Variants in PIAS1 observed in about 807,000 individuals in gnomAD.
The protein encoded by PIAS1 is E3 SUMO-protein ligase PIAS1.
A neutral mutation model predicts 71.3 loss-of-function variants in PIAS1; 6 were observed. The ratio of observed to expected loss-of-function variants is 0.08; its 90% CI spans 0.05 to 0.17. The LOEUF (loss-of-function observed/expected upper bound fraction) is 0.17. Ranked by LOEUF, PIAS1 falls within the 10% of genes least tolerant of loss-of-function variation. PIAS1 has a pLI of 1.00. For missense variants in PIAS1, 555 were observed against 793.6 expected (o/e 0.70, Z 3.61); for synonymous variants, 303 against 292.9 (o/e 1.03, Z -0.35).
chr15:68,146,704 A>G lies in PIAS1; in HGVS notation c.828+4A>G. On this transcript the variant is annotated splice_donor_region_variant and intron_variant, in intron 6 of 13. Coordinates refer to ENST00000249636, the MANE Select transcript of PIAS1 (RefSeq NM_016166.3). Reference sequence around the variant, plus strand: ...TTGGACTGCAGAAATTGGAAGAGTAAGTAAATTTTTGTTTCTACCAGATTT... The same window carrying G: ...TTGGACTGCAGAAATTGGAAGAGTAGGTAAATTTTTGTTTCTACCAGATTT... The G allele has an allele frequency of 6.2e-7, 1 of 1,603,240 alleles. No individual in the cohort carries two copies.
chr15:68,094,660 A>G (rs1016232783), intron 2 of PIAS1, among the ~76,000 whole-genome samples: 1 of 152,196 alleles, frequency 6.6e-6, no homozygotes, highest in Non-Finnish European at 1.5e-5. Context: ...AAATTCAAGG[A>G]CGCAGGCTCT....
At chr15:68,144,982 A>C (rs954496440) in intron 4 of PIAS1, among the ~76,000 whole-genome samples, 1 of 152,110 alleles carries the variant, frequency 6.6e-6, no homozygotes, top group Non-Finnish European at 1.5e-5. Context: ...GGTTCTCCCT[A>C]CTATGTAACT....
At chr15:68,096,801 A>AT (rs1331111145) in intron 2 of PIAS1, among the ~76,000 whole-genome samples, 1 of 151,694 alleles carries the variant, frequency 6.6e-6, no homozygotes, top group Non-Finnish European at 1.5e-5. Flanking sequence ...TAGTTCTAAT[A>AT]TTTTTTTTCT....
At chr15:68,145,696 TTA>T (rs1256608674) in intron 4 of PIAS1, 118 bp from the exon 5 acceptor site, 8 of 626,288 alleles carry the variant, frequency 1.3e-5, no homozygotes, top group Non-Finnish European at 2.3e-5. Flanking sequence ...AGTCCAGTTT[TTA>T]TAGTTTTCCC....
chr15:68,180,648 A>G (rs912379953), intron 11 of PIAS1, among the ~76,000 whole-genome samples: 4 of 152,304 alleles, frequency 2.6e-5, no homozygotes, highest in Non-Finnish European at 4.4e-5. Context: ...TATGCAAACA[A>G]TGTGCTGATA....
Position 68,190,128 on chromosome 15 carries a change from C to A in PIAS1, c.*2293C>A, listed in dbSNP as rs552234919. 2 of 152,262 alleles carry A rather than the reference C, an allele frequency of 1.3e-5. No individual in the cohort carries two copies. The highest frequency in any genetic ancestry group is 3.9e-4 in the East Asian group (2 of 5,186). 9.4% of individuals were successfully genotyped at this position (152,262 alleles called of 1,614,324 possible). ...AGTTGAAAACGTATCCCTCTACTTT[C>A]TTCAGTTGTAGAAAAGGTTAATTTC... On this transcript the variant is annotated 3_prime_UTR_variant, in exon 14 of 14. Transcript: ENST00000249636. This position sits in a 1 kb window ranked among gnomAD's most constrained non-coding sequence, Gnocchi z 4.7.
intron 6 of PIAS1, among the ~76,000 whole-genome samples, chr15:68,148,763 G>A (rs1447882100): frequency 1.3e-5 from 2 of 152,220 alleles, no homozygotes; most frequent in African/African-American, 4.8e-5. Flanking sequence ...TTATAGTGCT[G>A]TATTTCTTTT....
intron 1 of PIAS1, chr15:68,055,111 T>G: frequency 3.6e-5 from 21 of 583,126 alleles, no homozygotes; most frequent in East Asian, 1.4e-4. Context: ...TTGGAAGCAG[T>G]GTTGGGAGGG....
chr15:68,072,125 G>T (rs1193190895), intron 1 of PIAS1, among the ~76,000 whole-genome samples: 1 of 150,768 alleles, frequency 6.6e-6, no homozygotes, highest in Non-Finnish European at 1.5e-5. Flanking sequence ...TTGGCCGGGC[G>T]CAGTGGTTCA....
chr15:68,151,849 GACTC>G (rs2092848051), intron 6 of PIAS1, among the ~76,000 whole-genome samples: 2 of 150,094 alleles, frequency 1.3e-5, no homozygotes, highest in Admixed American at 1.3e-4. Context: ...GACAGAGCGA[GACTC>G]TGTCTCAAAT....
chr15:68,153,084 A>G (rs933738443), intron 6 of PIAS1, among the ~76,000 whole-genome samples: 2 of 152,008 alleles, frequency 1.3e-5, no homozygotes, highest in African/African-American at 4.8e-5. Context: ...ACTTGAAGGC[A>G]TAGAGAAAGG....
intron 1 of PIAS1, among the ~76,000 whole-genome samples, chr15:68,065,346 G>T (rs2140958120): frequency 6.6e-6 from 1 of 152,098 alleles, no homozygotes; most frequent in Admixed American, 6.6e-5. Context: ...CCAGTGCTTT[G>T]GGGGAGACCT....
At chr15:68,062,568 A>G (rs1236132972) in intron 1 of PIAS1, among the ~76,000 whole-genome samples, 1 of 152,168 alleles carries the variant, frequency 6.6e-6, no homozygotes, top group Non-Finnish European at 1.5e-5. Context: ...CTGATAATCT[A>G]TTTTGAGTCT....
rs761886544 is a variant in PIAS1, at chr15:68,167,985, G to T, written c.1008+3181G>T. Reference sequence around the variant, plus strand: ...GCTTCCCAAAATGCTGGGATTACAGGTGTGAGCCACCACTCCCAGCCTTTT... The same window carrying T: ...GCTTCCCAAAATGCTGGGATTACAGTTGTGAGCCACCACTCCCAGCCTTTT... On this transcript the variant is annotated intron_variant, in intron 8 of 13. Coordinates refer to ENST00000249636, the MANE Select transcript of PIAS1 (RefSeq NM_016166.3). The surrounding 1 kb of genome is among the most constrained non-coding windows in gnomAD (Gnocchi z 4.4). Among the ~76,000 whole-genome samples the T allele has an allele frequency of 1.5e-4, 23 of 151,784 alleles. No homozygotes were observed. The highest frequency in any genetic ancestry group is 2.9e-4 in the Non-Finnish European group (20 of 67,976).
At chr15:68,069,634 C>T (rs1047078799) in intron 1 of PIAS1, among the ~76,000 whole-genome samples, 1 of 151,972 alleles carries the variant, frequency 6.6e-6, no homozygotes, top group African/African-American at 2.4e-5. Flanking sequence ...AACCGCGTCT[C>T]TACTAAAAAT....
intron 2 of PIAS1, among the ~76,000 whole-genome samples, chr15:68,123,405 G>A (rs17250217): frequency 0.17 from 25,355 of 152,020 alleles, 2,406 homozygotes; most frequent in South Asian, 0.22. Flanking sequence ...GACACACAAA[G>A]TTATGAGTTT....
chr15:68,129,425 A>G (rs950344851), intron 2 of PIAS1, among the ~76,000 whole-genome samples: 2 of 152,180 alleles, frequency 1.3e-5, no homozygotes, highest in Non-Finnish European at 2.9e-5. Flanking sequence ...TTGACCGTAA[A>G]CATAATAGCT....
chr15:68,074,677 C>T (rs183996768), intron 1 of PIAS1, among the ~76,000 whole-genome samples: 1 of 152,084 alleles, frequency 6.6e-6, no homozygotes, highest in Admixed American at 6.5e-5. Flanking sequence ...AAACCATAAC[C>T]ACAGATCATT....
In PIAS1 at chr15:68,176,671, T is replaced by TA; in HGVS notation, c.1481+17_1481+18insA. The TA allele has an allele frequency of 2.0e-6, 3 of 1,502,602 alleles. No individual in the cohort carries two copies. Among genetic ancestry groups the TA allele is most frequent in the East Asian group, 2.4e-5 (1 of 41,878 alleles). The allele number at this position is 1,502,602 out of a possible 1,614,324, so 93.1% of individuals were successfully genotyped here. A position where few individuals can be genotyped will look rare whatever the true frequency, so the allele number is the denominator to read the frequency against. On this transcript the variant is annotated intron_variant, in intron 11 of 13. Transcript: ENST00000249636. Reference sequence around the variant, plus strand: ...TAATAAAGGGTAAGTGCTGAGACATTTAAAAAAAAAAGTAATCATGAAAAT... The same window carrying TA: ...TAATAAAGGGTAAGTGCTGAGACATTATAAAAAAAAAAGTAATCATGAAAAT...
Sources: allele counts gnomAD v4.1 joint callset (sites outside exome capture counted in the v4.1 genomes callset), GRCh38; gene constraint gnomAD v4.1.1; non-coding constraint Gnocchi (gnomAD v3.1); transcripts MANE v1.5; gene names NCBI Gene and HGNC (gene_info 2026-07-23, HGNC 2026-07-21).